ABCB1: variants seen among roughly 807,000 people sequenced by gnomAD.
ABCB1 encodes the protein ATP-dependent translocase ABCB1.
A neutral mutation model predicts 142.0 loss-of-function variants in ABCB1; 69 were observed. That is an observed-to-expected ratio of 0.49 (90% CI 0.40 to 0.59). The LOEUF is 0.59. Ranked by LOEUF, ABCB1 falls within the 20% of genes least tolerant of loss-of-function variation. The pLI is 0.00. For synonymous variants in ABCB1, 532 were observed against 539.2 expected, an observed-to-expected ratio of 0.99 and a Z score of 0.18; for missense variants, 1,326 against 1,554.7, an observed-to-expected ratio of 0.85 and a Z score of 2.47.
intron 8 of ABCB1, among the ~76,000 whole-genome samples, chr7:87,555,949 A>G (rs757773626): frequency 1.3e-5 from 2 of 152,244 alleles, no homozygotes; most frequent in Non-Finnish European, 2.9e-5. Context: ...ACATTTGCAC[A>G]GAAGCACAAG....
chr7:87,662,094 T>C (rs1176446920), intron 1 of ABCB1, among the ~76,000 whole-genome samples: 1 of 151,980 alleles, frequency 6.6e-6, no homozygotes, highest in East Asian at 1.9e-4. Flanking sequence ...ATTTTAAGTT[T>C]AATTATTAGT....
intron 1 of ABCB1, chr7:87,700,613 A>G: frequency 6.7e-7 from 1 of 1,502,058 alleles, no homozygotes; most frequent in Non-Finnish European, 9.1e-7. Flanking sequence ...TATTTGGAAT[A>G]GCAGGAAGGT....
chr7:87,538,458 T>C (rs1816389811), intron 19 of ABCB1, among the ~76,000 whole-genome samples: 2 of 152,168 alleles, frequency 1.3e-5, no homozygotes, highest in Admixed American at 1.3e-4. Context: ...AAAATGTGAA[T>C]GCCCTCTAGA....
intron 2 of ABCB1, among the ~76,000 whole-genome samples, chr7:87,597,879 G>C (rs1371175226): frequency 6.6e-6 from 1 of 152,086 alleles, no homozygotes; most frequent in Non-Finnish European, 1.5e-5. Flanking sequence ...TGAACTTTTA[G>C]ATTGTTTTTG....
At chr7:87,533,406 A>ACT (rs1816147800) in intron 20 of ABCB1, among the ~76,000 whole-genome samples, 1 of 152,192 alleles carries the variant, frequency 6.6e-6, no homozygotes, top group Non-Finnish European at 1.5e-5. Flanking sequence ...ATAAATGTGC[A>ACT]GCTTTGGATA....
At chr7:87,611,970 A>G (rs1416976613) in intron 1 of ABCB1, among the ~76,000 whole-genome samples, 2 of 152,138 alleles carry the variant, frequency 1.3e-5, no homozygotes, top group Non-Finnish European at 2.9e-5. Flanking sequence ...AGGAGCTTCT[A>G]ATACACTTGA....
rs536199969 is a variant in ABCB1, at chr7:87,658,131, G to T, written c.-331+55030C>A. Among the ~76,000 whole-genome samples the T allele has an allele frequency of 3.3e-5, 5 of 152,236 alleles. No homozygotes were observed. The East Asian group carries it at 9.6e-4, about 29-fold the overall frequency. ...CTGACAAAGATTTTAAAGCATCCAT[G>T]ATTAAAATGCTTTGAGCAATACATG... On this transcript the variant is annotated intron_variant, in intron 1 of 28. Coordinates refer to the ABCB1 transcript ENST00000265724.
At chr7:87,700,601 T>C in intron 1 of ABCB1, 1 of 1,565,964 alleles carries the variant, frequency 6.4e-7, no homozygotes, top group South Asian at 1.2e-5. Flanking sequence ...TTTCATTGCA[T>C]GTATTTGGAA....
At chr7:87,562,992 C>A (rs1232246096) in intron 7 of ABCB1, among the ~76,000 whole-genome samples, 1 of 152,098 alleles carries the variant, frequency 6.6e-6, no homozygotes, top group Non-Finnish European at 1.5e-5. Context: ...TGATGCAGAA[C>A]AATTCAGTCA....
intron 22 of ABCB1, among the ~76,000 whole-genome samples, chr7:87,520,517 G>T (rs536077875): frequency 1.3e-5 from 2 of 152,310 alleles, no homozygotes; most frequent in East Asian, 3.9e-4. Context: ...CTGGACATCA[G>T]ATAGTCATTC....
intron 4 of ABCB1, among the ~76,000 whole-genome samples, chr7:87,570,583 G>C (rs1351973984): frequency 6.6e-6 from 1 of 152,008 alleles, no homozygotes; most frequent in Non-Finnish European, 1.5e-5. Flanking sequence ...TTGAGTACTT[G>C]GTACTAAGGT....
intron 1 of ABCB1, among the ~76,000 whole-genome samples, chr7:87,623,658 CT>C (rs1479328832): frequency 6.6e-6 from 1 of 152,140 alleles, no homozygotes; most frequent in Non-Finnish European, 1.5e-5. Context: ...CATACCTCCC[CT>C]GAGTGTTCTG....
intron 1 of ABCB1, among the ~76,000 whole-genome samples, chr7:87,635,047 G>T (rs6952194): frequency 2.7e-4 from 41 of 152,042 alleles, no homozygotes; most frequent in Non-Finnish European, 5.4e-4. Flanking sequence ...CCTTTACTAG[G>T]GGGTATTTAT....
intron 9 of ABCB1, 127 bp from the exon 10 acceptor site, chr7:87,550,965 AG>A (rs1482322466): frequency 1.5e-6 from 1 of 672,888 alleles, no homozygotes; most frequent in Non-Finnish European, 2.7e-6. Flanking sequence ...TATAAATACT[AG>A]GTGTTAAAAA....
intron 1 of ABCB1, among the ~76,000 whole-genome samples, chr7:87,691,389 G>A (rs1007576259): frequency 1.3e-5 from 2 of 151,986 alleles, no homozygotes; most frequent in Non-Finnish European, 2.9e-5. Context: ...TAACTATATG[G>A]TATAATTATA....
In ABCB1 at chr7:87,559,404, T is replaced by A. The variant is rs865938070; in HGVS notation, c.827+1859A>T. On this transcript the variant is annotated intron_variant, in intron 8 of 27. Transcript: ENST00000622132. ...AGCTGCAATTTAAAAATAGATTTTT[T>A]AATCTGTTACAAGTTTTCCCTATTC... 4.6e-5 allele frequency among the ~76,000 whole-genome samples: 7 copies of A among 152,220 alleles called. No individual in the cohort carries two copies. In the East Asian group the frequency reaches 1.2e-3, roughly 25 times the overall value.
In ABCB1 at chr7:87,509,274, C is replaced by T. The variant is rs369178731; in HGVS notation, c.3489+1G>A. 1.2e-6 allele frequency: 2 copies of T among 1,613,986 alleles called. No homozygotes were observed. Among genetic ancestry groups the T allele is most frequent in the Non-Finnish European group, 1.7e-6 (2 of 1,180,000 alleles). Reference sequence around the variant, plus strand: ...GGCTGTTTATTTGAAGAGAGACTTACATTAGGCAGTGACTCGATGAAGGCA... The same window carrying T: ...GGCTGTTTATTTGAAGAGAGACTTATATTAGGCAGTGACTCGATGAAGGCA... On this transcript the variant is annotated splice_donor_variant, in intron 26 of 27. Transcript: ENST00000622132. LOFTEE classifies it high-confidence loss of function.
chr7:87,658,039 T>C (rs1277591756), intron 1 of ABCB1, among the ~76,000 whole-genome samples: 1 of 152,104 alleles, frequency 6.6e-6, no homozygotes, highest in Non-Finnish European at 1.5e-5. Context: ...ACCAGGAAGA[T>C]CTCAGATTGC....
chr7:87,519,112 T>C (rs1815374245), intron 23 of ABCB1: 7 of 596,608 alleles, frequency 1.2e-5, no homozygotes, highest in Non-Finnish European at 1.8e-5. Flanking sequence ...GTCAACTATG[T>C]GTGAGCCAGC....
Sources: gnomAD v4.1 joint callset for allele counts (sites outside exome capture counted in the v4.1 genomes callset) on GRCh38, gnomAD v4.1.1 for gene constraint, MANE v1.5 for transcripts, NCBI Gene and HGNC (gene_info 2026-07-23, HGNC 2026-07-21) for gene names.